The following CFAP54 variants were observed in gnomAD, a reference collection of about 807,000 sequenced individuals.
CFAP54 encodes cilia and flagella associated protein 54, also known as cilia- and flagella-associated protein 54.
Under a neutral mutation model 370.4 loss-of-function variants are expected in CFAP54, and 290 were observed. The observed-to-expected ratio is 0.78, with a 90% CI of 0.71 to 0.86. The LOEUF (loss-of-function observed/expected upper bound fraction) is 0.86, where lower values mean the gene tolerates loss of function less well. Ranked by LOEUF, CFAP54 falls within the 40% of genes least tolerant of loss-of-function variation. CFAP54 has a pLI of 0.00. For missense variants in CFAP54, 3,399 were observed against 3,528.7 expected (o/e 0.96, Z 0.93); for synonymous variants, 1,206 against 1,236.5 (o/e 0.98, Z 0.52).
Position 96,718,502 on chromosome 12 carries a change from A to T in CFAP54, c.6784A>T (p.Ile2262Phe). The T allele has an allele frequency of 6.4e-7, 1 of 1,569,368 alleles. No individual in the cohort carries two copies. Among genetic ancestry groups the T allele is most frequent in the Non-Finnish European group, 8.8e-7 (1 of 1,140,500 alleles). The change falls in exon 49 of 68, where the codon ATC becomes TTC. Residue 2262 changes from isoleucine (I) to phenylalanine (F), a missense_variant. By Grantham distance (21) the Ile-to-Phe change is conservative. Coordinates refer to ENST00000524981, the MANE Select transcript of CFAP54 (RefSeq NM_001306084.2). Reference protein sequence around the residue: ...FYNLTKLKDEITLSMLKSMLL... With the variant: ...FYNLTKLKDEFTLSMLKSMLL... ...TAATCTTACAAAACTTAAAGATGAG[A>T]TCACTCTTAGCATGCTAAAGGTAAG...
intron 65 of CFAP54, among the ~76,000 whole-genome samples, chr12:96,827,007 T>TATAATATGCAATTATGTATGATTATA (rs1959123474): frequency 1.6e-4 from 19 of 122,238 alleles, no homozygotes; most frequent in African/African-American, 7.3e-4. Context: ...ATATGATTAA[T>TATAATATGCAATTATGTATGATTATA]TATAATATGC....
At chr12:96,866,495 T>C (rs1960009396) in intron 67 of CFAP54, among the ~76,000 whole-genome samples, 2 of 152,186 alleles carry the variant, frequency 1.3e-5, no homozygotes, top group Non-Finnish European at 2.9e-5. Context: ...TCATACATTT[T>C]GTATTTAACA....
intron 65 of CFAP54, among the ~76,000 whole-genome samples, chr12:96,825,981 G>A (rs1014487225): frequency 2.9e-5 from 4 of 139,484 alleles, no homozygotes; most frequent in Admixed American, 7.5e-5. Context: ...ATATATTAAT[G>A]TATAAATTAA....
chr12:96,837,775 C>T (rs79721433), intron 66 of CFAP54, among the ~76,000 whole-genome samples: 2,759 of 152,276 alleles, frequency 0.018, 32 homozygotes, highest in Non-Finnish European at 0.029. Flanking sequence ...CACCTTTGTA[C>T]CAGCCATTGG....
chr12:96,834,574 G>A (rs751162902), intron 66 of CFAP54, among the ~76,000 whole-genome samples: 4 of 152,234 alleles, frequency 2.6e-5, no homozygotes, highest in Non-Finnish European at 4.4e-5. Context: ...TGGACCAGGC[G>A]AACCAGAAGC....
intron 3 of CFAP54, among the ~76,000 whole-genome samples, chr12:96,504,462 A>G (rs895886152): frequency 6.6e-6 from 1 of 152,232 alleles, no homozygotes; most frequent in African/African-American, 2.4e-5. Flanking sequence ...TTTCTAGTAT[A>G]CCAGTATTTT....
chr12:96,704,909 ATTCTT>A (rs2136585624), intron 47 of CFAP54, 113 bp downstream of exon 47: 1 of 372,932 alleles, frequency 2.7e-6, no homozygotes, highest in African/African-American at 2.2e-5. Flanking sequence ...GCTGTGTAAT[ATTCTT>A]TTCTTTTTTT....
intron 11 of CFAP54, among the ~76,000 whole-genome samples, chr12:96,534,819 T>C (rs10860050): frequency 0.11 from 17,254 of 152,136 alleles, 1,569 homozygotes; most frequent in East Asian, 0.45. Context: ...AGTAATGATA[T>C]ATGTCTTCTA....
intron 67 of CFAP54, among the ~76,000 whole-genome samples, chr12:96,865,621 T>C (rs1271899973): frequency 6.6e-6 from 1 of 152,174 alleles, no homozygotes; most frequent in Non-Finnish European, 1.5e-5. Context: ...TTAAGCTGAA[T>C]GTTTGTTATA....
chr12:96,581,114 G>A lies in CFAP54; in HGVS notation c.3075+9G>A. On this transcript the variant is annotated intron_variant, in intron 22 of 67. Coordinates refer to ENST00000524981, the MANE Select transcript of CFAP54 (RefSeq NM_001306084.2). ...GGATGTTCCTGACACAGGTAGAAAA[G>A]ATTTCTGCTAATTTTTTCCACTGTG... 1 of 1,422,606 alleles carries A rather than the reference G, an allele frequency of 7.0e-7. No homozygotes were observed. The allele number at this position is 1,422,606 out of a possible 1,614,324, so 88.1% of individuals were successfully genotyped here.
intron 45 of CFAP54, among the ~76,000 whole-genome samples, chr12:96,695,490 C>G (rs1957432217): frequency 6.6e-6 from 1 of 152,212 alleles, no homozygotes; most frequent in South Asian, 2.1e-4. Context: ...GAATCACCCT[C>G]TCTGAGTTAC....
intron 39 of CFAP54, among the ~76,000 whole-genome samples, chr12:96,676,648 C>T (rs1377417878): frequency 7.2e-5 from 11 of 152,046 alleles, no homozygotes; most frequent in Admixed American, 2.6e-4. Context: ...GGGGTTCAAG[C>T]GATTCTCCTG....
intron 50 of CFAP54, among the ~76,000 whole-genome samples, chr12:96,724,984 T>G (rs1321813390): frequency 6.6e-6 from 1 of 152,080 alleles, no homozygotes; most frequent in Non-Finnish European, 1.5e-5. Context: ...TCAGATAGTT[T>G]TAGATATGTG....
chr12:96,754,024 G>A, intron 56 of CFAP54, 126 bp downstream of exon 56: 1 of 830,284 alleles, frequency 1.2e-6, no homozygotes, highest in South Asian at 2.7e-5. Flanking sequence ...GCTTAGAGAT[G>A]ATTAACACAA....
chr12:96,697,524 T>C (rs1480526568), intron 45 of CFAP54, among the ~76,000 whole-genome samples: 2 of 152,158 alleles, frequency 1.3e-5, no homozygotes, highest in East Asian at 3.9e-4. Flanking sequence ...CTGATTTTTA[T>C]ATTTTATTTT....
rs572864562 is a variant in CFAP54, at chr12:96,540,422, T to G, written c.1927-415T>G. Among the ~76,000 whole-genome samples the G allele has an allele frequency of 3.3e-5, 5 of 152,244 alleles. No individual in the cohort carries two copies. The East Asian group carries it at 9.6e-4, about 29-fold the overall frequency. ...GCCATGAAAGACAATCTAAGTCACC[T>G]GATATGGAGCCTGAAACACCTGCTT... is the stretch of plus-strand genomic sequence containing the variant. On this transcript the variant is annotated intron_variant, in intron 13 of 67. Coordinates refer to ENST00000524981, the MANE Select transcript of CFAP54 (RefSeq NM_001306084.2).
chr12:96,732,509 T>C (rs1957932700), intron 50 of CFAP54, among the ~76,000 whole-genome samples: 2 of 152,188 alleles, frequency 1.3e-5, no homozygotes, highest in Admixed American at 1.3e-4. Context: ...TTTGAAAATA[T>C]AGTTGTTTGC....
chr12:96,535,008 C>CTG (rs4018882), intron 11 of CFAP54, among the ~76,000 whole-genome samples: 16,415 of 137,186 alleles, frequency 0.12, 908 homozygotes, highest in East Asian at 0.19. Flanking sequence ...GTTTTCTTTT[C>CTG]TGTGTGTGTG....
rs1044032265 is a variant in CFAP54 at position 96,621,775 on chromosome 12, G to A, written c.3771+54G>A. 7.5e-6 allele frequency: 10 copies of A among 1,340,124 alleles called. No individual in the cohort carries two copies. The African/African-American group carries it at 1.0e-4, about 14-fold the overall frequency. The allele number at this position is 1,340,124 out of a possible 1,614,324, so 83.0% of individuals were successfully genotyped here. A position where few individuals can be genotyped will look rare whatever the true frequency, so the allele number is the denominator to read the frequency against. On this transcript the variant is annotated intron_variant, in intron 27 of 67. Coordinates refer to ENST00000524981, the MANE Select transcript of CFAP54 (RefSeq NM_001306084.2). The stretch of plus-strand genomic sequence containing the variant: ...CCTACGTTTAGTTTGCATCTTTTAG[G>A]GGTAATGTAGTATTATTAAACATAT...
Sources: allele counts gnomAD v4.1 joint callset (sites outside exome capture counted in the v4.1 genomes callset), GRCh38; gene constraint gnomAD v4.1.1; transcripts MANE v1.5; gene names NCBI Gene and HGNC (gene_info 2026-07-23, HGNC 2026-07-21).